VPS37A: variants seen among roughly 807,000 people sequenced by gnomAD.
VPS37A encodes the protein VPS37A subunit of ESCRT-I.
VPS37A carries 30 observed loss-of-function variants against 49.8 expected under a neutral mutation model. That is an observed-to-expected ratio of 0.60 (90% confidence interval 0.45 to 0.82). VPS37A has a LOEUF of 0.82. VPS37A is among the 40% of genes least tolerant of loss of function. The pLI is 0.00. For missense variants in VPS37A, 593 were observed against 464.4 expected (o/e 1.28, Z -2.55); for synonymous variants, 195 against 160.6 (o/e 1.21, Z -1.62).
At position 17,280,250 on chromosome 8, in the gene VPS37A, C is replaced by T; in HGVS notation, c.853C>T (p.Leu285Phe). The change falls in exon 8 of 12, where the codon CTT becomes TTT. Residue 285 changes from leucine (L) to phenylalanine (F), a missense_variant. Leu to Phe is a conservative substitution (Grantham distance 22). Transcript: ENST00000324849. The stretch of plus-strand genomic sequence containing the variant: ...GATTTATCTTACAGGAAAAAATCTC[C>T]TTTTGGAGCCCAGCTTGGAAGCCAA... ...SIEELARKNLLLEPSLEAKRQ... is the reference protein window; with the variant it reads ...SIEELARKNLFLEPSLEAKRQ... 1 of 1,612,602 alleles carries T rather than the reference C, an allele frequency of 6.2e-7. No individual in the cohort carries two copies. Among genetic ancestry groups the T allele is most frequent in the Non-Finnish European group, 8.5e-7 (1 of 1,179,260 alleles).
At chr8:17,280,187 C>G in intron 7 of VPS37A, 32 bp downstream of exon 7, 1 of 1,609,464 alleles carries the variant, frequency 6.2e-7, no homozygotes, top group African/African-American at 1.3e-5. Context: ...CGCACATTTC[C>G]TGAAAAAAAT....
intron 4 of VPS37A, 82 bp from the exon 5 acceptor site, chr8:17,274,651 T>C (rs1814334995): frequency 8.9e-6 from 10 of 1,129,848 alleles, no homozygotes; most frequent in South Asian, 7.5e-5. Context: ...ACTTGACCTT[T>C]GTTATTTAGA....
chr8:17,305,728 TTA>T (rs1222002711), downstream of VPS37A: 3 of 1,561,434 alleles, frequency 1.9e-6, no homozygotes, highest in Non-Finnish European at 2.6e-6. Flanking sequence ...TAAATAAAAG[TTA>T]AACACCAAAA....
chr8:17,286,664 G>T, intron 11 of VPS37A: 1 of 418,914 alleles, frequency 2.4e-6, no homozygotes. Flanking sequence ...TTTAACATTA[G>T]CTGCTAATGT....
At chr8:17,329,434 G>C in the VPS37A span, among the ~76,000 whole-genome samples, 2 of 152,178 alleles carry the variant, frequency 1.3e-5, no homozygotes, top group African/African-American at 4.8e-5. Flanking sequence ...CTGCCCTCCA[G>C]AACTTGGTCA....
chr8:17,291,306 C>G (rs1233272557), intron 11 of VPS37A, among the ~76,000 whole-genome samples: 1 of 152,298 alleles, frequency 6.6e-6, no homozygotes, highest in East Asian at 1.9e-4. Flanking sequence ...AGCCACCATG[C>G]CCATACGATC....
chr8:17,267,755 G>A (rs1218091773), intron 2 of VPS37A, among the ~76,000 whole-genome samples: 2 of 152,114 alleles, frequency 1.3e-5, no homozygotes, highest in African/African-American at 4.8e-5. Flanking sequence ...TTGAACTCCT[G>A]GGCTCAAGTG....
chr8:17,316,311 T>G, the VPS37A span, among the ~76,000 whole-genome samples: 3 of 151,948 alleles, frequency 2.0e-5, no homozygotes, highest in African/African-American at 4.8e-5. Flanking sequence ...GTCTGCAATT[T>G]TTATCCAACT....
intron 11 of VPS37A, among the ~76,000 whole-genome samples, chr8:17,289,398 G>T (rs186875815): frequency 1.3e-5 from 2 of 152,190 alleles, no homozygotes; most frequent in Non-Finnish European, 2.9e-5. Flanking sequence ...TTAGGAAGGG[G>T]TCCATTTTTA....
At chr8:17,280,213 A>G in intron 7 of VPS37A, 26 bp from the exon 8 acceptor site, 2 of 1,611,852 alleles carry the variant, frequency 1.2e-6, no homozygotes, top group East Asian at 2.2e-5. Context: ...CTTTACCTAG[A>G]AGTAAACTAG....
At chr8:17,279,892 C>T in intron 6 of VPS37A, 136 bp from the exon 7 acceptor site, 1 of 1,014,320 alleles carries the variant, frequency 9.9e-7, no homozygotes, top group Non-Finnish European at 1.5e-6. Flanking sequence ...AAGGTTAAAA[C>T]TGGCAGCCTT....
downstream of VPS37A, among the ~76,000 whole-genome samples, chr8:17,304,827 T>G (rs535708133): frequency 6.6e-6 from 1 of 151,864 alleles, no homozygotes; most frequent in Admixed American, 6.6e-5. Context: ...ATTTATAATT[T>G]GTCACACACT....
At chr8:17,300,868 A>G (rs1817064830), downstream of VPS37A, among the ~76,000 whole-genome samples, 1 of 152,236 alleles carries the variant, frequency 6.6e-6, no homozygotes, top group African/African-American at 2.4e-5. Context: ...ATGGAATCAT[A>G]CAACATGTGG....
chr8:17,306,404 G>C (rs1399914171), downstream of VPS37A, among the ~76,000 whole-genome samples: 2 of 151,874 alleles, frequency 1.3e-5, no homozygotes, highest in Admixed American at 1.3e-4. Context: ...AAAAAAAATA[G>C]TGGTTTCCCA....
the VPS37A span, chr8:17,309,262 T>TAAG: frequency 1.2e-5 from 18 of 1,483,900 alleles, no homozygotes; most frequent in Non-Finnish European, 1.7e-5. Flanking sequence ...CAAAACAGTC[T>TAAG]TAAATATTAC....
intron 3 of VPS37A, 145 bp downstream of exon 3, chr8:17,268,517 TA>T (rs1813681919): frequency 1.6e-6 from 1 of 623,478 alleles, no homozygotes; most frequent in African/African-American, 1.8e-5. Context: ...GACTACGCCT[TA>T]AAGTTCTTAC....
intron 1 of VPS37A, among the ~76,000 whole-genome samples, chr8:17,263,455 G>A (rs1231196188): frequency 6.6e-6 from 1 of 151,824 alleles, no homozygotes; most frequent in Non-Finnish European, 1.5e-5. Context: ...ATTTGTTGAT[G>A]GTTCAGCTCT....
At chr8:17,300,315 G>T, downstream of VPS37A, 1 of 1,328,436 alleles carries the variant, frequency 7.5e-7, no homozygotes, top group Non-Finnish European at 1.0e-6. Context: ...TACCTCCCAC[G>T]TGGGTATAAT....
the VPS37A span, chr8:17,311,708 G>A: frequency 5.0e-6 from 8 of 1,599,920 alleles, no homozygotes; most frequent in Non-Finnish European, 6.8e-6. Flanking sequence ...ATCACAGCCA[G>A]GTTTGACTGT....
Sources: gnomAD v4.1 joint callset for allele counts (sites outside exome capture counted in the v4.1 genomes callset) on GRCh38, gnomAD v4.1.1 for gene constraint, MANE v1.5 for transcripts, NCBI Gene and HGNC (gene_info 2026-07-23, HGNC 2026-07-21) for gene names.